The following TMEM132C variants were observed in gnomAD, a reference collection of about 807,000 sequenced individuals.
TMEM132C encodes transmembrane protein 132C, also known as protein phosphatase 1, regulatory subunit 152.
Under a neutral mutation model 61.4 loss-of-function variants are expected in TMEM132C, and 29 were observed. That is an observed-to-expected ratio of 0.47 (90% CI 0.35 to 0.64). The LOEUF (loss-of-function observed/expected upper bound fraction) is 0.64. Ranked by LOEUF, TMEM132C falls within the 30% of genes least tolerant of loss-of-function variation. The pLI, the probability that TMEM132C is intolerant of heterozygous loss-of-function variation, is 0.00. For synonymous variants in TMEM132C, 656 were observed against 633.1 expected, an observed-to-expected ratio of 1.04 and a Z score of -0.54; for missense variants, 1,408 against 1,476.9, an observed-to-expected ratio of 0.95 and a Z score of 0.76.
chr12:128,553,316 T>A (rs1334559801), intron 3 of TMEM132C, among the ~76,000 whole-genome samples: 1 of 151,466 alleles, frequency 6.6e-6, no homozygotes, highest in African/African-American at 2.5e-5. Flanking sequence ...ACCTTTTTAT[T>A]AGGCTTATTT....
At chr12:128,462,736 T>C (rs1215892541) in intron 2 of TMEM132C, among the ~76,000 whole-genome samples, 2 of 152,148 alleles carry the variant, frequency 1.3e-5, no homozygotes, top group African/African-American at 4.8e-5. Flanking sequence ...GGCCCATATA[T>C]GCGTAAGCCA....
chr12:128,415,523 G>T lies in TMEM132C; in HGVS notation c.877G>T (p.Val293Phe), dbSNP rs1485812736. Reference sequence around the variant, plus strand: ...CGAGCTGCGTTTGGATGGTAACGTGGTCATCTGGCTGCCTTCCAGGCCAGT... The same window carrying T: ...CGAGCTGCGTTTGGATGGTAACGTGTTCATCTGGCTGCCTTCCAGGCCAGT... ...LSELRLDGNV[V>F]IWLPSRPVKQ... Residue 293 changes from valine (V) to phenylalanine (F), a missense_variant, in exon 2 of 9, where the codon GTC (valine) becomes TTC (phenylalanine). Physicochemically the swap from Val to Phe is conservative, Grantham distance 50 (BLOSUM62 -1). Transcript: ENST00000435159. This position sits in a 1 kb window ranked among gnomAD's most constrained non-coding sequence, Gnocchi z 5.8. 2 of 1,551,470 alleles carry T rather than the reference G, an allele frequency of 1.3e-6. No individual in the cohort carries two copies. The highest frequency in any genetic ancestry group is 3.9e-5 in the Admixed American group (2 of 50,994).
intron 2 of TMEM132C, among the ~76,000 whole-genome samples, chr12:128,434,761 C>A (rs1869519110): frequency 1.3e-5 from 2 of 151,972 alleles, no homozygotes; most frequent in Admixed American, 1.3e-4. Context: ...TGCCACTATG[C>A]CCGGCTAATT....
At position 128,410,438 on chromosome 12, in the gene TMEM132C, C is replaced by A. The variant is rs1470650693; in HGVS notation, c.86-4294C>A. Among the ~76,000 whole-genome samples, 3 of 152,154 alleles carry A rather than the reference C, an allele frequency of 2.0e-5. No individual in the cohort carries two copies. The South Asian group carries it at 6.2e-4, about 32-fold the overall frequency. On this transcript the variant is annotated intron_variant, in intron 1 of 8. Transcript: ENST00000435159. ...ATGTATTTTGAGACAGAGTCTCACTCTGTCTCCAGGCTAGAGTGCAGTGGC... is the reference window on the plus strand; with the variant it reads ...ATGTATTTTGAGACAGAGTCTCACTATGTCTCCAGGCTAGAGTGCAGTGGC...
intron 4 of TMEM132C, among the ~76,000 whole-genome samples, chr12:128,661,435 G>C (rs557480469): frequency 6.6e-6 from 1 of 152,122 alleles, no homozygotes; most frequent in African/African-American, 2.4e-5. Context: ...AGGGAAGGAC[G>C]GCCTCACACG....
intron 2 of TMEM132C, among the ~76,000 whole-genome samples, chr12:128,448,719 A>G (rs933156504): frequency 2.0e-5 from 3 of 152,208 alleles, no homozygotes; most frequent in African/African-American, 7.2e-5. Context: ...CAGGGAAGGC[A>G]AAATACGCCC....
chr12:128,314,645 G>C (rs533768508), intron 1 of TMEM132C, among the ~76,000 whole-genome samples: 10 of 152,264 alleles, frequency 6.6e-5, no homozygotes, highest in Admixed American at 5.2e-4. Context: ...TATAAGGAGA[G>C]GAGAGGAGAC....
At position 128,705,488 on chromosome 12, in the gene TMEM132C, C is replaced by T. The variant is rs1409409688; in HGVS notation, c.2520C>T (p.Leu840=). Residue 840 remains leucine (L), a synonymous_variant, in exon 9 of 9, where the codon CTC becomes CTT. Transcript: ENST00000435159. ...HHERTGQDGH[L]YGSSPVEREE... ...AGCGCACAGGCCAAGATGGGCACCT[C>T]TATGGCAGCTCTCCCGTGGAGCGTG... 6.4e-7 allele frequency: 1 copy of T among 1,551,076 alleles called. No homozygotes were observed.
chr12:128,521,265 G>A lies in TMEM132C; in HGVS notation c.975-22692G>A, dbSNP rs537981099. Among the ~76,000 whole-genome samples the A allele has an allele frequency of 1.1e-3, 164 of 152,028 alleles. 2 individuals are homozygous for A. Among genetic ancestry groups the A allele is most frequent in the Middle Eastern group, 0.01 (3 of 294 alleles). ...ACATATTGTTATATATGCTGGTCAG[G>A]AAGTGGCTTCTGAGATGACATCTGT... is the stretch of plus-strand genomic sequence containing the variant. On this transcript the variant is annotated intron_variant, in intron 2 of 8. Transcript: ENST00000435159.
intron 4 of TMEM132C, among the ~76,000 whole-genome samples, chr12:128,637,084 C>G (rs1196675008): frequency 1.3e-5 from 2 of 152,186 alleles, no homozygotes; most frequent in Admixed American, 1.3e-4. Context: ...GCAGATAACT[C>G]TTCTACATAC....
chr12:128,316,420 T>A (rs1485244525), intron 1 of TMEM132C, among the ~76,000 whole-genome samples: 1 of 152,208 alleles, frequency 6.6e-6, no homozygotes, highest in Admixed American at 6.5e-5. Context: ...GGATTTGTAG[T>A]TGATTTTGGA....
intron 1 of TMEM132C, among the ~76,000 whole-genome samples, chr12:128,304,023 C>G (rs1871679298): frequency 1.3e-5 from 2 of 151,786 alleles, no homozygotes; most frequent in South Asian, 4.2e-4. Flanking sequence ...CCAGCAGAAC[C>G]CAGAATTATG....
Position 128,319,354 on chromosome 12 carries a change from C to T in TMEM132C, c.85+51867C>T, listed in dbSNP as rs113396503. ...TCCCTCCACTCAAGATTTGCAGTCCCGAGAGAGAGAGAGAGAGACAGAGAG... is the reference window on the plus strand; with the variant it reads ...TCCCTCCACTCAAGATTTGCAGTCCTGAGAGAGAGAGAGAGAGACAGAGAG... On this transcript the variant is annotated intron_variant, in intron 1 of 8. Transcript: ENST00000435159. Among the ~76,000 whole-genome samples the T allele has an allele frequency of 3.3e-3, 497 of 149,384 alleles. 8 individuals carry two copies. Among genetic ancestry groups the T allele is most frequent in the African/African-American group, 0.012 (471 of 40,816 alleles).
At chr12:128,659,695 G>T (rs548082440) in intron 4 of TMEM132C, among the ~76,000 whole-genome samples, 2 of 152,232 alleles carry the variant, frequency 1.3e-5, no homozygotes, top group Non-Finnish European at 2.9e-5. Context: ...TGGATTAAGC[G>T]TCCTTAAGTG....
At position 128,544,069 on chromosome 12, in the gene TMEM132C, G is replaced by T; in HGVS notation, c.1087G>T (p.Ala363Ser). Reference sequence around the variant, plus strand: ...CGGAAAGCACGTGACGGCCACCGTGGCCTGCCAGCGCCTGGGGCCCAGCCC... The same window carrying T: ...CGGAAAGCACGTGACGGCCACCGTGTCCTGCCAGCGCCTGGGGCCCAGCCC... ...SGGKHVTATV[A>S]CQRLGPSPRN... The change falls in exon 3 of 9, where the codon GCC (alanine) becomes TCC (serine). Residue 363 changes from alanine to serine, a missense_variant. Transcript: ENST00000435159. The T allele has an allele frequency of 6.5e-7, 1 of 1,543,522 alleles. No homozygotes were observed. Among genetic ancestry groups the T allele is most frequent in the South Asian group, 1.2e-5 (1 of 82,642 alleles).
rs192415687 is a variant in TMEM132C, at chr12:128,357,700, A to G, written c.86-57032A>G. On this transcript the variant is annotated intron_variant, in intron 1 of 8. Coordinates refer to ENST00000435159, the MANE Select transcript of TMEM132C (RefSeq NM_001136103.3). Reference sequence around the variant, plus strand: ...ACAGTGAGACTCCGTCTCAAAAAAAAAAAAAAAAAAGAAAAAGAAGGAGCC... The same window carrying G: ...ACAGTGAGACTCCGTCTCAAAAAAAGAAAAAAAAAAGAAAAAGAAGGAGCC... 3.8e-3 allele frequency among the ~76,000 whole-genome samples: 580 copies of G among 151,564 alleles called. 1 individual carries two copies. Among genetic ancestry groups the G allele is most frequent in the Middle Eastern group, 0.017 (5 of 294 alleles).
intron 5 of TMEM132C, among the ~76,000 whole-genome samples, chr12:128,673,058 T>C: frequency 6.6e-6 from 1 of 152,194 alleles, no homozygotes; most frequent in East Asian, 1.9e-4. Flanking sequence ...CTTGCACATG[T>C]AGTGGATCGG....
At chr12:128,292,134 G>T (rs1204054065) in intron 1 of TMEM132C, among the ~76,000 whole-genome samples, 1 of 152,180 alleles carries the variant, frequency 6.6e-6, no homozygotes, top group African/African-American at 2.4e-5. Flanking sequence ...AAGCCCTTCT[G>T]TTCCAGTAAC....
rs557945582 is a variant in TMEM132C, at chr12:128,536,723, CAGTCTGGG to C, written c.975-7231_975-7224del. Among the ~76,000 whole-genome samples the C allele has an allele frequency of 2.0e-3, 297 of 151,070 alleles. 3 individuals are homozygous for C. Among genetic ancestry groups the C allele is most frequent in the African/African-American group, 6.8e-3 (280 of 41,114 alleles). On this transcript the variant is annotated intron_variant, in intron 2 of 8. Coordinates refer to ENST00000435159, the MANE Select transcript of TMEM132C (RefSeq NM_001136103.3). ...ACTATTCACAAGAATGTATCTCCTT[CAGTCTGGG>C]AGGTTAATAGGGGGTGCTTGTGTGT...
Sources: allele counts gnomAD v4.1 joint callset (sites outside exome capture counted in the v4.1 genomes callset), GRCh38; gene constraint gnomAD v4.1.1; non-coding constraint Gnocchi (gnomAD v3.1); transcripts MANE v1.5; gene names NCBI Gene and HGNC (gene_info 2026-07-23, HGNC 2026-07-21).